DGKK: variants seen among roughly 807,000 people sequenced by gnomAD.
DGKK encodes the protein diacylglycerol kinase kappa.
A neutral mutation model predicts 92.2 loss-of-function variants in DGKK; 35 were observed. That is an observed-to-expected ratio of 0.38 (90% confidence interval 0.29 to 0.50). The LOEUF is 0.50. Among genes scored for constraint, DGKK ranks in the 20% least tolerant of loss-of-function variants. The pLI is 0.92. For missense variants in DGKK, 910 were observed against 992.2 expected (o/e 0.92, Z 1.11); for synonymous variants, 368 against 360.6 (o/e 1.02, Z -0.23).
intron 4 of DGKK, among the ~76,000 whole-genome samples, chrX:50,406,109 T>C (rs1377132632): frequency 8.9e-6 from 1 of 112,174 alleles, no homozygotes; most frequent in African/African-American, 3.2e-5. Flanking sequence ...CATTCCTGTA[T>C]AGAGTGACAA....
Position 50,365,601 on chromosome X carries a change from G to A in DGKK, c.*3339C>T, listed in dbSNP as rs1557222423. On this transcript the variant is annotated 3_prime_UTR_variant, in exon 28 of 28. Transcript: ENST00000611977. ...CCTGGCCCTGCTGCTTATTTGCAGG[G>A]GCCTCTGAGGAAATAAAAAACACAG... is the stretch of plus-strand genomic sequence containing the variant. The A allele has an allele frequency of 9.1e-6, 1 of 110,452 alleles. No homozygotes were observed. The highest frequency in any genetic ancestry group is 2.9e-4 in the East Asian group (1 of 3,504). The allele number at this position is 110,452 out of a possible 1,213,427, so 9.1% of individuals were successfully genotyped here.
chrX:50,435,708 A>AGTGT (rs200146292), intron 1 of DGKK, among the ~76,000 whole-genome samples: 2 of 95,889 alleles, frequency 2.1e-5, no homozygotes, highest in African/African-American at 7.0e-5. Context: ...TGGGAAAAGG[A>AGTGT]GTGTGTGTGT....
In DGKK at chrX:50,470,388, AGGTTCTGGGGCC is replaced by A; in HGVS notation, c.279_290del (p.Pro95_Ala98del). 1 of 1,207,255 alleles carries A rather than the reference AGGTTCTGGGGCC, an allele frequency of 8.3e-7. No homozygotes were observed. On this transcript the variant is annotated inframe_deletion, in exon 1 of 28. Transcript: ENST00000611977. ...CAGGTTCTGGGGCCGGCTCTGTGGCAGGTTCTGGGGCCGGTTCTGAGGCCGGCTCTGTGGCTG... is the reference window on the plus strand; with the variant it reads ...CAGGTTCTGGGGCCGGCTCTGTGGCAGGTTCTGAGGCCGGCTCTGTGGCTG...
chrX:50,375,890 C>A, intron 24 of DGKK, 134 bp downstream of exon 24: 2 of 780,526 alleles, frequency 2.6e-6, no homozygotes, highest in South Asian at 6.0e-5. Context: ...CCTGCCTTCC[C>A]GTCCACTCTC....
intron 1 of DGKK, among the ~76,000 whole-genome samples, chrX:50,429,345 T>C (rs782286129): frequency 1.6e-3 from 176 of 111,308 alleles, no homozygotes; most frequent in South Asian, 5.0e-3. Context: ...CCCCACCCCA[T>C]CCCCCTGCCA....
chrX:50,441,976 T>C (rs1231027836), intron 1 of DGKK, among the ~76,000 whole-genome samples: 1 of 111,562 alleles, frequency 9.0e-6, no homozygotes, highest in Admixed American at 9.6e-5. Context: ...AGAAATTTCA[T>C]AGATAATATT....
chrX:50,386,584 A>G lies in DGKK; in HGVS notation c.2121T>C (p.Ser707=), dbSNP rs782480707. ...NTAIVSVILK[S]DLMYDRLSVL... is the part of the protein sequence containing the mutation. ...CACTGAGCCTATCATACATTAAGTC[A>G]CTCTATATAGAAAGGAAGGAGACAG... Residue 707 remains serine, a splice_region_variant and synonymous_variant, in exon 15 of 28, where the codon AGT becomes AGC. Transcript: ENST00000611977. 4.2e-6 allele frequency: 5 copies of G among 1,203,082 alleles called. No homozygotes were observed. Among genetic ancestry groups the G allele is most frequent in the Non-Finnish European group, 5.6e-6 (5 of 889,532 alleles).
At chrX:50,432,313 T>C in intron 1 of DGKK, among the ~76,000 whole-genome samples, 1 of 112,641 alleles carries the variant, frequency 8.9e-6, no homozygotes. Flanking sequence ...TTGATAATGA[T>C]GCTATACGTA....
At position 50,470,771 on chromosome X, in the gene DGKK, C is replaced by A. The variant is rs1248589182; in HGVS notation, c.-93G>T. ...CGCCCCGCCCACTCCAGTCCGGCAG[C>A]CCCTCGCAGGGTGCCAAACTTTCCC... On this transcript the variant is annotated 5_prime_UTR_variant, in exon 1 of 28. Transcript: ENST00000611977. 2 of 1,009,181 alleles carry A rather than the reference C, an allele frequency of 2.0e-6. No individual in the cohort carries two copies. Among genetic ancestry groups the A allele is most frequent in the African/African-American group, 3.9e-5 (2 of 51,736 alleles). The allele number at this position is 1,009,181 out of a possible 1,213,427, so 83.2% of individuals were successfully genotyped here.
intron 1 of DGKK, among the ~76,000 whole-genome samples, chrX:50,446,505 T>C (rs1402371459): frequency 8.9e-6 from 1 of 111,975 alleles, no homozygotes; most frequent in Non-Finnish European, 1.9e-5. Flanking sequence ...TTTTGCTTAT[T>C]TGCTATTGTA....
At chrX:50,430,699 C>A (rs1388739936) in intron 1 of DGKK, among the ~76,000 whole-genome samples, 1 of 111,854 alleles carries the variant, frequency 8.9e-6, no homozygotes, top group Non-Finnish European at 1.9e-5. Context: ...CATTCTGAAT[C>A]CTCTTTGATA....
chrX:50,391,387 G>A (rs1486405260), intron 11 of DGKK, 50 bp downstream of exon 11: 2 of 1,192,629 alleles, frequency 1.7e-6, no homozygotes, highest in Admixed American at 4.4e-5. Flanking sequence ...GATGATGTGA[G>A]TGATGTGGGA....
At chrX:50,396,497 C>T (rs1924858071) in intron 8 of DGKK, among the ~76,000 whole-genome samples, 2 of 112,074 alleles carry the variant, frequency 1.8e-5, no homozygotes, top group Admixed American at 1.9e-4. Flanking sequence ...AAGAATTATG[C>T]TAATGCTGTC....
intron 4 of DGKK, among the ~76,000 whole-genome samples, chrX:50,405,965 C>T (rs1357388307): frequency 1.2e-4 from 13 of 111,618 alleles, no homozygotes; most frequent in African/African-American, 3.3e-4. Context: ...AGTCTCCTCT[C>T]CTCCAATAAT....
At position 50,408,276 on chromosome X, in the gene DGKK, C is replaced by A. The variant is rs372608592; in HGVS notation, c.943-4092G>T. ...TAGGGTTAGAGAACAGAACACCTAG[C>A]CCCAGAGAATTATTCTCAGGCCTGG... On this transcript the variant is annotated intron_variant, in intron 4 of 27. Transcript: ENST00000611977. Among the ~76,000 whole-genome samples the A allele has an allele frequency of 3.6e-5, 4 of 112,535 alleles. No individual in the cohort carries two copies. In the East Asian group the frequency reaches 8.4e-4, roughly 24 times the overall value.
chrX:50,407,230 A>C (rs1330774060), intron 4 of DGKK, among the ~76,000 whole-genome samples: 1 of 112,087 alleles, frequency 8.9e-6, no homozygotes, highest in Non-Finnish European at 1.9e-5. Context: ...TGCTGTTTAT[A>C]GTAATATGTG....
chrX:50,393,021 T>C, intron 9 of DGKK, 131 bp downstream of exon 9: 1 of 551,675 alleles, frequency 1.8e-6, no homozygotes, highest in Non-Finnish European at 2.8e-6. Context: ...TGTGCTTGTG[T>C]CCTGACTTGA....
chrX:50,416,082 C>T (rs1557228501), intron 4 of DGKK, among the ~76,000 whole-genome samples: 1 of 111,123 alleles, frequency 9.0e-6, no homozygotes, highest in African/African-American at 3.3e-5. Context: ...AGTTTTCTTG[C>T]TCCTTTTTCT....
intron 1 of DGKK, among the ~76,000 whole-genome samples, chrX:50,445,437 C>T (rs1926278175): frequency 9.0e-6 from 1 of 110,880 alleles, no homozygotes; most frequent in Non-Finnish European, 1.9e-5. Context: ...GTCTTTAATC[C>T]ATCTTGAGTT....
Sources: gnomAD v4.1 joint callset for allele counts (sites outside exome capture counted in the v4.1 genomes callset) on GRCh38, gnomAD v4.1.1 for gene constraint, MANE v1.5 for transcripts, NCBI Gene and HGNC (gene_info 2026-07-23, HGNC 2026-07-21) for gene names.